THRAP3: variants seen among roughly 807,000 people sequenced by gnomAD.
The protein encoded by THRAP3 is thyroid hormone receptor associated protein 3.
THRAP3 carries 16 observed loss-of-function variants against 101.0 expected under a neutral mutation model. The ratio of observed to expected loss-of-function variants is 0.16; its 90% CI spans 0.11 to 0.24. The LOEUF is 0.24. Among genes scored for constraint, THRAP3 ranks in the 10% least tolerant of loss-of-function variants. The probability of loss-of-function intolerance (pLI) is 1.00; values close to 1 mark genes in which losing one functional copy is unlikely to be tolerated. For missense variants in THRAP3, 989 were observed against 1,202.7 expected, an observed-to-expected ratio of 0.82 and a Z score of 2.63; for synonymous variants, 407 against 422.6, an observed-to-expected ratio of 0.96 and a Z score of 0.45.
chr1:36,230,742 A>G (rs567084817), intron 1 of THRAP3, among the ~76,000 whole-genome samples: 1 of 152,118 alleles, frequency 6.6e-6, no homozygotes, highest in East Asian at 1.9e-4. Context: ...GATGTTTTCA[A>G]CCTCTGCCTA....
At chr1:36,247,181 G>T (rs1645241458) in intron 1 of THRAP3, among the ~76,000 whole-genome samples, 1 of 152,088 alleles carries the variant, frequency 6.6e-6, no homozygotes, top group South Asian at 2.1e-4. Flanking sequence ...GCTGTGTGTG[G>T]TGGTGGGCGC....
At chr1:36,259,145 A>G (rs952658451) in intron 1 of THRAP3, among the ~76,000 whole-genome samples, 5 of 152,202 alleles carry the variant, frequency 3.3e-5, no homozygotes, top group Admixed American at 6.6e-5. Context: ...AAATATTGCC[A>G]GTGAAAGTAT....
At chr1:36,208,493 C>A in the THRAP3 span, among the ~76,000 whole-genome samples, 1 of 152,294 alleles carries the variant, frequency 6.6e-6, no homozygotes, top group South Asian at 2.1e-4. Flanking sequence ...CCACCACTAT[C>A]TCCATCACCC....
chr1:36,245,169 T>C (rs1645216144), intron 1 of THRAP3, among the ~76,000 whole-genome samples: 1 of 144,660 alleles, frequency 6.9e-6, no homozygotes, highest in Non-Finnish European at 1.5e-5. Context: ...ATCCCAATCT[T>C]TTTTTTTTTT....
In THRAP3 at chr1:36,286,903, G is replaced by C. The variant is rs779813564; in HGVS notation, c.673G>C (p.Asp225His). The C allele has an allele frequency of 2.5e-6, 4 of 1,614,194 alleles. No homozygotes were observed. The highest frequency in any genetic ancestry group is 1.6e-4 in the Middle Eastern group (1 of 6,062). ...ATCTGAGAGCTCGAAGCCATGGCCAGATGCCACCTACGGCACTGGTTCTGC... is the reference window on the plus strand; with the variant it reads ...ATCTGAGAGCTCGAAGCCATGGCCACATGCCACCTACGGCACTGGTTCTGC... ...KASESSKPWP[D>H]ATYGTGSASR... is the part of the protein sequence containing the mutation. Residue 225 changes from aspartate (D) to histidine (H), a missense_variant, in exon 4 of 12, where the codon GAT (aspartate) becomes CAT (histidine). Transcript: ENST00000354618. The surrounding 1 kb of genome is among the most constrained non-coding windows in gnomAD (Gnocchi z 5.5).
intron 2 of THRAP3, among the ~76,000 whole-genome samples, chr1:36,259,874 G>A (rs1197677284): frequency 6.6e-6 from 1 of 152,088 alleles, no homozygotes; most frequent in East Asian, 1.9e-4. Context: ...CGGTAAACTT[G>A]ACATCTGTAA....
At chr1:36,285,282 T>G (rs1645781137) in intron 3 of THRAP3, among the ~76,000 whole-genome samples, 1 of 152,196 alleles carries the variant, frequency 6.6e-6, no homozygotes, top group African/African-American at 2.4e-5. Context: ...TCTAGTAAAT[T>G]TTACTTATTT....
the THRAP3 span, among the ~76,000 whole-genome samples, chr1:36,214,009 A>G: frequency 3.3e-5 from 2 of 60,694 alleles, no homozygotes; most frequent in East Asian, 3.7e-4. Flanking sequence ...AAAGAAAGAA[A>G]GAAAGAAAGA....
chr1:36,265,758 T>C (rs902095036), intron 2 of THRAP3, among the ~76,000 whole-genome samples: 3 of 152,164 alleles, frequency 2.0e-5, no homozygotes, highest in African/African-American at 4.8e-5. Flanking sequence ...GCTGTACATA[T>C]CAACCCGTCA....
At chr1:36,229,899 A>G (rs1570222167) in intron 1 of THRAP3, among the ~76,000 whole-genome samples, 1 of 144,368 alleles carries the variant, frequency 6.9e-6, no homozygotes. Flanking sequence ...TCATCTGCCT[A>G]CCTTGGCCTC....
rs150617883 is a variant in THRAP3 at position 36,302,700 on chromosome 1, T to G, written c.2646+1004T>G. Among the ~76,000 whole-genome samples the G allele has an allele frequency of 3.5e-3, 539 of 152,258 alleles. 4 individuals are homozygous for G. Among genetic ancestry groups the G allele is most frequent in the Non-Finnish European group, 5.8e-3 (392 of 68,000 alleles). ...GCTTTTGTGGGGGGGTGGTTTAGAC[T>G]CTGAAGTCATGGGGCTGATAAGGTA... On this transcript the variant is annotated intron_variant, in intron 11 of 11. Transcript: ENST00000354618.
At position 36,286,716 on chromosome 1, in the gene THRAP3, T is replaced by G. The variant is rs935843895; in HGVS notation, c.486T>G (p.Ser162=). Residue 162 remains serine (S), a synonymous_variant, in exon 4 of 12, where the codon TCT becomes TCG. Transcript: ENST00000354618. This position sits in a 1 kb window ranked among gnomAD's most constrained non-coding sequence, Gnocchi z 5.5. ...CAAGGCGCTCCTCATCCTCCCGTTC[T>G]TCCTCCAACCATAGCCGAGTTGAAT... ...DRSRRSSSSR[S]SSNHSRVESS... 1 of 1,614,106 alleles carries G rather than the reference T, an allele frequency of 6.2e-7. No homozygotes were observed. The highest frequency in any genetic ancestry group is 8.5e-7 in the Non-Finnish European group (1 of 1,180,044).
At chr1:36,281,916 C>CA (rs1485276815) in intron 2 of THRAP3, among the ~76,000 whole-genome samples, 2 of 151,844 alleles carry the variant, frequency 1.3e-5, no homozygotes, top group Non-Finnish European at 2.9e-5. Flanking sequence ...ACTAAAAATA[C>CA]AAAAAAATTA....
chr1:36,302,899 C>G (rs1646047952), intron 11 of THRAP3, among the ~76,000 whole-genome samples: 1 of 152,180 alleles, frequency 6.6e-6, no homozygotes, highest in Non-Finnish European at 1.5e-5. Context: ...CCCCGTCACA[C>G]TGCCTCCTTG....
At position 36,278,846 on chromosome 1, in the gene THRAP3, C is replaced by T. The variant is rs1209873258; in HGVS notation, c.-31-3687C>T. Among the ~76,000 whole-genome samples the T allele has an allele frequency of 2.6e-5, 4 of 151,834 alleles. No homozygotes were observed. In the East Asian group the frequency reaches 7.7e-4, roughly 29 times the overall value. Reference sequence around the variant, plus strand: ...GCTGAGGCAGGAGAATCACTTGAACCCAGGTGGCAGAGGTTGCAGTGAGCT... The same window carrying T: ...GCTGAGGCAGGAGAATCACTTGAACTCAGGTGGCAGAGGTTGCAGTGAGCT... On this transcript the variant is annotated intron_variant, in intron 2 of 11. Coordinates refer to ENST00000354618, the MANE Select transcript of THRAP3 (RefSeq NM_005119.4).
rs1479621027 is a variant in THRAP3, at chr1:36,296,785, G to A, written c.2303+15G>A. On this transcript the variant is annotated intron_variant, in intron 9 of 11. Transcript: ENST00000354618. ...AAGAAACAGAAGTACGTAAGCCCCT[G>A]TTACCCCTTCCAGACTCTTAAGTTT... 3 of 1,566,056 alleles carry A rather than the reference G, an allele frequency of 1.9e-6. No individual in the cohort carries two copies. Among genetic ancestry groups the A allele is most frequent in the South Asian group, 1.2e-5 (1 of 81,920 alleles).
intron 1 of THRAP3, among the ~76,000 whole-genome samples, chr1:36,243,426 C>G (rs1258094438): frequency 6.6e-6 from 1 of 151,938 alleles, no homozygotes; most frequent in Non-Finnish European, 1.5e-5. Context: ...CTTCAAGCAT[C>G]TGTTTAACAA....
intron 2 of THRAP3, among the ~76,000 whole-genome samples, chr1:36,278,056 G>GCC (rs371751740): frequency 7.6e-6 from 1 of 131,972 alleles, no homozygotes; most frequent in African/African-American, 2.8e-5. Context: ...CGTGAGCCCA[G>GCC]CCCCCCTTTT....
At chr1:36,257,607 G>T (rs1213680007) in intron 1 of THRAP3, among the ~76,000 whole-genome samples, 1 of 152,100 alleles carries the variant, frequency 6.6e-6, no homozygotes, top group Non-Finnish European at 1.5e-5. Flanking sequence ...CAGGGTTTCA[G>T]GTGTCTCTTC....
Sources: gnomAD v4.1 joint callset for allele counts (sites outside exome capture counted in the v4.1 genomes callset) on GRCh38, gnomAD v4.1.1 for gene constraint, Gnocchi (gnomAD v3.1) non-coding constraint, MANE v1.5 for transcripts, NCBI Gene and HGNC (gene_info 2026-07-23, HGNC 2026-07-21) for gene names.